DCC: variants seen among roughly 807,000 people sequenced by gnomAD.
DCC encodes the protein netrin receptor DCC.
Under a neutral mutation model 172.5 loss-of-function variants are expected in DCC, and 58 were observed. The observed-to-expected ratio is 0.34, with a 90% CI of 0.27 to 0.42. DCC has a LOEUF of 0.42. Ranked by LOEUF, DCC falls within the 10% of genes least tolerant of loss-of-function variation. DCC has a pLI of 1.00. For missense variants in DCC, 1,740 were observed against 1,791.0 expected (o/e 0.97, Z 0.51); for synonymous variants, 709 against 644.5 (o/e 1.10, Z -1.52).
At chr18:53,440,387 C>A (rs2145128713) in intron 22 of DCC, among the ~76,000 whole-genome samples, 1 of 152,042 alleles carries the variant, frequency 6.6e-6, no homozygotes, top group Admixed American at 6.6e-5. Context: ...TTTGGTACAT[C>A]AATGTTAATA....
intron 1 of DCC, among the ~76,000 whole-genome samples, chr18:52,676,328 A>G (rs941070917): frequency 1.5e-4 from 23 of 152,364 alleles, no homozygotes; most frequent in Admixed American, 1.4e-3. Context: ...GAAGGCATGC[A>G]TCATTATAGT....
intron 12 of DCC, among the ~76,000 whole-genome samples, chr18:53,218,215 G>T (rs12956682): frequency 0.2 from 30,894 of 151,904 alleles, 4,939 homozygotes; most frequent in African/African-American, 0.45. Flanking sequence ...CTTTGAAAAC[G>T]TATTCTATAT....
chr18:52,482,932 G>A (rs1446049474), intron 1 of DCC, among the ~76,000 whole-genome samples: 2 of 152,078 alleles, frequency 1.3e-5, no homozygotes, highest in Non-Finnish European at 2.9e-5. Flanking sequence ...TAAGCTTGGG[G>A]ACTAACAATA....
chr18:53,231,225 G>A (rs2056116848), intron 12 of DCC, among the ~76,000 whole-genome samples: 1 of 152,064 alleles, frequency 6.6e-6, no homozygotes, highest in African/African-American at 2.4e-5. Flanking sequence ...AAAGGAAGAA[G>A]TATCTATCAT....
intron 2 of DCC, among the ~76,000 whole-genome samples, chr18:52,793,210 T>G (rs1197294452): frequency 6.6e-6 from 1 of 152,214 alleles, no homozygotes; most frequent in Non-Finnish European, 1.5e-5. Flanking sequence ...AAATGGACTT[T>G]CCGGTTGATT....
At chr18:52,883,354 G>A (rs1275217230) in intron 2 of DCC, among the ~76,000 whole-genome samples, 59 of 30,944 alleles carry the variant, frequency 1.9e-3, no homozygotes, top group Admixed American at 4.2e-3. Context: ...TTATTTATGT[G>A]TGTGTGTGTG....
intron 24 of DCC, among the ~76,000 whole-genome samples, chr18:53,466,122 G>A (rs539579680): frequency 3.9e-5 from 6 of 152,206 alleles, no homozygotes; most frequent in African/African-American, 1.2e-4. Flanking sequence ...TGTTTTTAGA[G>A]ATGGGGTCTC....
intron 2 of DCC, among the ~76,000 whole-genome samples, chr18:52,805,987 G>C (rs1224563671): frequency 6.6e-6 from 1 of 152,184 alleles, no homozygotes; most frequent in East Asian, 1.9e-4. Context: ...ACAAACTGAA[G>C]ATATTACCAT....
In DCC at chr18:52,993,817, A is replaced by AT. The variant is rs796181330; in HGVS notation, c.985+68457dup. Among the ~76,000 whole-genome samples, 109 of 102,710 alleles carry AT rather than the reference A, an allele frequency of 1.1e-3. 5 individuals carry two copies. In the South Asian group the frequency reaches 0.028, roughly 26 times the overall value. The allele number at this position is 102,710 out of a possible 152,430, so 67.4% of individuals were successfully genotyped here. On this transcript the variant is annotated intron_variant, in intron 5 of 28. Coordinates refer to ENST00000442544, the MANE Select transcript of DCC (RefSeq NM_005215.4). ...TTATAAGTTCTGAGAATTTTCTATG[A>AT]TTTTTTTTTTCATGTTACATATCTG...
chr18:53,067,849 A>C (rs2042595663), intron 7 of DCC, among the ~76,000 whole-genome samples: 1 of 152,226 alleles, frequency 6.6e-6, no homozygotes, highest in Non-Finnish European at 1.5e-5. Context: ...AAGTAGGAAA[A>C]GCATATAAGA....
intron 7 of DCC, among the ~76,000 whole-genome samples, chr18:53,096,205 CCTG>C (rs2043085911): frequency 6.6e-6 from 1 of 151,872 alleles, no homozygotes; most frequent in Non-Finnish European, 1.5e-5. Flanking sequence ...CAGGTATGGT[CCTG>C]CAAGTCTATA....
intron 7 of DCC, among the ~76,000 whole-genome samples, chr18:53,142,635 A>T (rs574063498): frequency 6.6e-6 from 1 of 152,334 alleles, no homozygotes; most frequent in African/African-American, 2.4e-5. Context: ...TTTTACATTT[A>T]CATGAAAATT....
rs183253031 is a variant in DCC, at chr18:52,835,672, G to A, written c.413-70372G>A. Among the ~76,000 whole-genome samples the A allele has an allele frequency of 3.9e-5, 6 of 152,222 alleles. No individual in the cohort carries two copies. The East Asian group carries it at 7.7e-4, about 20-fold the overall frequency. On this transcript the variant is annotated intron_variant, in intron 2 of 28. Transcript: ENST00000442544. ...CTTAAAATAACTCTCAGTTTGTATA[G>A]AGATATCTATATATCCATATATAAT...
chr18:53,294,565 G>GT (rs1349682925), intron 12 of DCC, among the ~76,000 whole-genome samples: 1 of 152,208 alleles, frequency 6.6e-6, no homozygotes, highest in Non-Finnish European at 1.5e-5. Flanking sequence ...GCCAGCCTCT[G>GT]ATTAGAGTCT....
At chr18:52,625,036 G>T (rs1472637740) in intron 1 of DCC, among the ~76,000 whole-genome samples, 2 of 152,116 alleles carry the variant, frequency 1.3e-5, no homozygotes, top group Admixed American at 1.3e-4. Flanking sequence ...GTAGCCTATT[G>T]TTCCTAGGCT....
intron 5 of DCC, among the ~76,000 whole-genome samples, chr18:52,929,565 C>T (rs2040271732): frequency 6.6e-6 from 1 of 152,062 alleles, no homozygotes; most frequent in Non-Finnish European, 1.5e-5. Flanking sequence ...GTTAAAACAA[C>T]TGCCATACTT....
chr18:53,379,621 G>T (rs1907568496), intron 15 of DCC, among the ~76,000 whole-genome samples: 1 of 152,124 alleles, frequency 6.6e-6, no homozygotes, highest in African/African-American at 2.4e-5. Context: ...GGCTTTTCCT[G>T]ATTACCCATT....
intron 1 of DCC, among the ~76,000 whole-genome samples, chr18:52,372,333 T>C (rs1985156360): frequency 6.6e-6 from 1 of 152,166 alleles, no homozygotes; most frequent in African/African-American, 2.4e-5. Flanking sequence ...GAGTTTATTC[T>C]CTCTTGCAAA....
chr18:52,808,918 C>T (rs1374520532), intron 2 of DCC, among the ~76,000 whole-genome samples: 2 of 152,130 alleles, frequency 1.3e-5, no homozygotes, highest in Non-Finnish European at 2.9e-5. Context: ...AAAGCTCTTT[C>T]TTAAACTGTA....
Sources: allele counts gnomAD v4.1 joint callset (sites outside exome capture counted in the v4.1 genomes callset), GRCh38; gene constraint gnomAD v4.1.1; transcripts MANE v1.5; gene names NCBI Gene and HGNC (gene_info 2026-07-23, HGNC 2026-07-21).